FANCI: variants seen among roughly 807,000 people sequenced by gnomAD.
FANCI encodes FA complementation group I, also known as Fanconi anemia group I protein.
FANCI carries 156 observed loss-of-function variants against 176.1 expected under a neutral mutation model. The ratio of observed to expected loss-of-function variants is 0.89; its 90% CI spans 0.78 to 1.01. The LOEUF is 1.01. Ranked by LOEUF, FANCI falls within the 50% of genes least tolerant of loss-of-function variation. The pLI, the probability that FANCI is intolerant of heterozygous loss-of-function variation, is 0.00. For synonymous variants in FANCI, 613 were observed against 541.7 expected, an observed-to-expected ratio of 1.13 and a Z score of -1.83; for missense variants, 1,678 against 1,534.1, an observed-to-expected ratio of 1.09 and a Z score of -1.57.
chr15:89,293,861 T>C lies in FANCI; in HGVS notation c.2320T>C (p.Leu774=), dbSNP rs1247564670. 1 of 1,614,176 alleles carries C rather than the reference T, an allele frequency of 6.2e-7. No individual in the cohort carries two copies. Among genetic ancestry groups the C allele is most frequent in the Non-Finnish European group, 8.5e-7 (1 of 1,180,026 alleles). The change falls in exon 23 of 38, where the codon TTA becomes CTA. Residue 774 remains leucine, a synonymous_variant. Transcript: ENST00000310775. ...GAATAGGTTTGAGGACATTCTGAGCTTATTTATGTGTTACAAAAAACTCTC... is the reference window on the plus strand; with the variant it reads ...GAATAGGTTTGAGGACATTCTGAGCCTATTTATGTGTTACAAAAAACTCTC... ...SKNRFEDILS[L]FMCYKKLSDI...
chr15:89,288,874 C>T (rs1286072232), intron 18 of FANCI, among the ~76,000 whole-genome samples: 1 of 151,942 alleles, frequency 6.6e-6, no homozygotes, highest in African/African-American at 2.4e-5. Flanking sequence ...GCCCTGGCTT[C>T]AAGCGATCCT....
chr15:89,258,924 C>A, intron 3 of FANCI, 148 bp downstream of exon 3: 1 of 685,126 alleles, frequency 1.5e-6, no homozygotes, highest in Non-Finnish European at 2.6e-6. Context: ...CAGCAGTTTC[C>A]TGTCTAGTGG....
At position 89,307,619 on chromosome 15, in the gene FANCI, C is replaced by T. The variant is rs2054776324; in HGVS notation, c.3598C>T (p.Leu1200=). The part of the protein sequence containing the change: ...IPKNMEKLVK[L]SGSHLTPLCY... ...CTTCTCCCTTGTTGTGCAGGTGAAG[C>T]TGTCTGGTTCTCATCTGACCCCCCT... The change falls in exon 34 of 38, where the codon CTG becomes TTG. Residue 1200 remains leucine, a synonymous_variant. Coordinates refer to ENST00000310775, the MANE Select transcript of FANCI (RefSeq NM_001113378.2). The T allele has an allele frequency of 2.5e-6, 4 of 1,614,080 alleles. No homozygotes were observed. Among genetic ancestry groups the T allele is most frequent in the South Asian group, 2.2e-5 (2 of 91,092 alleles).
intron 24 of FANCI, among the ~76,000 whole-genome samples, chr15:89,298,780 C>T (rs2054412183): frequency 6.6e-6 from 1 of 152,148 alleles, no homozygotes; most frequent in Non-Finnish European, 1.5e-5. Flanking sequence ...ACTGATCCTA[C>T]AGATGCTAAA....
chr15:89,312,993 G>A (rs200197375), intron 35 of FANCI, 21 bp downstream of exon 35: 550 of 1,611,134 alleles, frequency 3.4e-4, no homozygotes, highest in Non-Finnish European at 4.1e-4. Flanking sequence ...GACACTGACC[G>A]TTAAAATATG....
In FANCI at chr15:89,276,838, C is replaced by T. The variant is rs754374388; in HGVS notation, c.1240C>T (p.Pro414Ser). Residue 414 changes from proline to serine, a missense_variant, in exon 13 of 38, where the codon CCA becomes TCA. Physicochemically the swap from Pro to Ser is moderately conservative, Grantham distance 74 (BLOSUM62 -1). Coordinates refer to ENST00000310775, the MANE Select transcript of FANCI (RefSeq NM_001113378.2). The part of the protein sequence containing the change: ...IETSPSLSRM[P>S]NQHACKLGAN... ...AACCAGCCCAAGTCTTTCTAGAATG[C>T]CAAACCAGCATGCATGTAAGCTCGG... The T allele has an allele frequency of 1.4e-5, 22 of 1,614,028 alleles. 2 individuals carry two copies. The South Asian group carries it at 2.4e-4, about 18-fold the overall frequency.
In FANCI at chr15:89,260,831, A is replaced by T. The variant is rs1254865307; in HGVS notation, c.276A>T (p.Leu92Phe). ...AAATAGCGTCTGAGATCATAGGATT[A>T]CTGATGCTGGAGGTAAGATGGCAAA... The part of the protein sequence containing the change: ...QKEIASEIIG[L>F]LMLEAHHFPG... The change falls in exon 4 of 38, where the codon TTA becomes TTT. Residue 92 changes from leucine to phenylalanine, a missense_variant. Leu to Phe is a conservative substitution (Grantham distance 22). Coordinates refer to ENST00000310775, the MANE Select transcript of FANCI (RefSeq NM_001113378.2). 1 of 1,613,802 alleles carries T rather than the reference A, an allele frequency of 6.2e-7. No individual in the cohort carries two copies. The highest frequency in any genetic ancestry group is 8.5e-7 in the Non-Finnish European group (1 of 1,179,804).
At chr15:89,306,697 T>C (rs1297002096) in intron 32 of FANCI, among the ~76,000 whole-genome samples, 1 of 151,916 alleles carries the variant, frequency 6.6e-6, no homozygotes. Flanking sequence ...ATCTCAAAAA[T>C]TAAAAAAATA....
Position 89,316,939 on chromosome 15 carries a change from A to C in FANCI, c.*480A>C. 1 of 803,724 alleles carries C rather than the reference A, an allele frequency of 1.2e-6. No individual in the cohort carries two copies. The highest frequency in any genetic ancestry group is 2.2e-6 in the Non-Finnish European group (1 of 450,812). 49.8% of individuals were successfully genotyped at this position (803,724 alleles called of 1,614,324 possible). A position where few individuals can be genotyped will look rare whatever the true frequency, so the allele number is the denominator to read the frequency against. On this transcript the variant is annotated 3_prime_UTR_variant, in exon 38 of 38. Coordinates refer to ENST00000310775, the MANE Select transcript of FANCI (RefSeq NM_001113378.2). ...GTCAAAAGGAGAGTGAAAGGTTGAGAACAATTGCCACGAACGGTAATGTTA... is the reference window on the plus strand; with the variant it reads ...GTCAAAAGGAGAGTGAAAGGTTGAGCACAATTGCCACGAACGGTAATGTTA...
At chr15:89,261,935 C>A in intron 6 of FANCI, 57 bp downstream of exon 6, 1 of 1,514,710 alleles carries the variant, frequency 6.6e-7, no homozygotes, top group Non-Finnish European at 9.1e-7. Flanking sequence ...GAAAAAAAAC[C>A]ACTTTATTTC....
At chr15:89,310,512 T>G (rs988482873) in intron 34 of FANCI, among the ~76,000 whole-genome samples, 21 of 152,192 alleles carry the variant, frequency 1.4e-4, no homozygotes, top group Non-Finnish European at 1.8e-4. Context: ...CCCTAGGCAT[T>G]TTCCTCCTCC....
Position 89,292,847 on chromosome 15 carries a change from C to T in FANCI, c.2152C>T (p.Leu718=), listed in dbSNP as rs758852745. The T allele has an allele frequency of 6.2e-7, 1 of 1,614,052 alleles. No homozygotes were observed. Among genetic ancestry groups the T allele is most frequent in the Non-Finnish European group, 8.5e-7 (1 of 1,180,006 alleles). Residue 718 remains leucine (L), a synonymous_variant, in exon 21 of 38, where the codon CTG becomes TTG. Coordinates refer to ENST00000310775, the MANE Select transcript of FANCI (RefSeq NM_001113378.2). The part of the protein sequence containing the change: ...SITNRMIKSE[L]EDFELDKSAD... The stretch of plus-strand genomic sequence containing the variant: ...TACTAATAGAATGATTAAGAGTGAG[C>T]TGGAAGACTTTGAACTGGTAATTGC...
chr15:89,265,773 C>T (rs986009334), intron 9 of FANCI, among the ~76,000 whole-genome samples: 3 of 152,020 alleles, frequency 2.0e-5, no homozygotes, highest in Admixed American at 6.6e-5. Flanking sequence ...CCACCTGCCT[C>T]GGCCTCCCAA....
intron 32 of FANCI, 69 bp downstream of exon 32, chr15:89,306,263 C>A: frequency 6.9e-7 from 1 of 1,453,052 alleles, no homozygotes; most frequent in Non-Finnish European, 9.6e-7. Flanking sequence ...GAGGATGGGG[C>A]AGCAGCCCAC....
rs752735260 is a variant in FANCI at position 89,299,842 on chromosome 15, A to T, written c.2679A>T (p.Glu893Asp). The T allele has an allele frequency of 1.9e-6, 3 of 1,614,044 alleles. No individual in the cohort carries two copies. Among genetic ancestry groups the T allele is most frequent in the Non-Finnish European group, 2.5e-6 (3 of 1,179,970 alleles). Residue 893 changes from glutamate to aspartate, a missense_variant, in exon 25 of 38, where the codon GAA becomes GAT. Around this residue, in one of 3 missense-constraint regions of FANCI, gnomAD observed 1,204 missense variants for 1,077.4 expected, o/e 1.12. Coordinates refer to ENST00000310775, the MANE Select transcript of FANCI (RefSeq NM_001113378.2). The part of the protein sequence containing the change: ...WRYTSIPTSV[E>D]ESGKKEKGKS... Reference sequence around the variant, plus strand: ...ACACTTCAATTCCTACTTCAGTGGAAGAGTCGGGAAAGAAAGAGAAAGGAA... The same window carrying T: ...ACACTTCAATTCCTACTTCAGTGGATGAGTCGGGAAAGAAAGAGAAAGGAA...
chr15:89,264,446 C>T lies in FANCI; in HGVS notation c.670-76C>T, dbSNP rs74031427. ...AATTTGTACTGGAGAATTCTTTAAGCTGAAAACTACTTTGAATTCAAATTG... is the reference window on the plus strand; with the variant it reads ...AATTTGTACTGGAGAATTCTTTAAGTTGAAAACTACTTTGAATTCAAATTG... On this transcript the variant is annotated intron_variant, in intron 8 of 37. Coordinates refer to ENST00000310775, the MANE Select transcript of FANCI (RefSeq NM_001113378.2). 1,179 of 1,228,346 alleles carry T rather than the reference C, an allele frequency of 9.6e-4. 10 individuals are homozygous for T. The African/African-American group carries it at 0.015, about 15-fold the overall frequency. 76.1% of individuals were successfully genotyped at this position (1,228,346 alleles called of 1,614,324 possible).
chr15:89,283,370 CTGATGATGATGATGGTGCTGATGATGA>C (rs2053690629), intron 17 of FANCI, 120 bp downstream of exon 17: 1 of 1,447,838 alleles, frequency 6.9e-7, no homozygotes. Flanking sequence ...ACTAAAGAGT[CTGATGATGATGATGGTGCTGATGATGA>C]TGATGATGAT....
intron 2 of FANCI, 54 bp downstream of exon 2, chr15:89,247,785 A>G: frequency 2.7e-6 from 4 of 1,482,550 alleles, no homozygotes; most frequent in South Asian, 1.1e-5. Context: ...ATGATGACAC[A>G]TTCAAAGGAC....
intron 18 of FANCI, among the ~76,000 whole-genome samples, chr15:89,285,606 C>T (rs74902765): frequency 6.6e-6 from 1 of 152,136 alleles, no homozygotes; most frequent in Non-Finnish European, 1.5e-5. Context: ...AACAGTGAGA[C>T]CTTGTCTCTC....
Sources: gnomAD v4.1 joint callset for allele counts (sites outside exome capture counted in the v4.1 genomes callset) on GRCh38, gnomAD v4.1.1 for gene constraint, gnomAD v4.1.1 regional missense constraint, MANE v1.5 for transcripts, NCBI Gene and HGNC (gene_info 2026-07-23, HGNC 2026-07-21) for gene names.